HERC1: variants seen among roughly 807,000 people sequenced by gnomAD.
The protein encoded by HERC1 is HECT and RLD domain containing E3 ubiquitin protein ligase family member 1.
A neutral mutation model predicts 554.3 loss-of-function variants in HERC1; 160 were observed. The observed-to-expected ratio is 0.29, with a 90% CI of 0.25 to 0.33. HERC1 has a LOEUF of 0.33. Among genes scored for constraint, HERC1 ranks in the 10% least tolerant of loss-of-function variants. The probability of loss-of-function intolerance (pLI) is 1.00; values close to 1 mark genes in which losing one functional copy is unlikely to be tolerated. For missense variants in HERC1, 4,919 were observed against 5,918.5 expected, an observed-to-expected ratio of 0.83 and a Z score of 5.54; for synonymous variants, 2,175 against 2,131.7, an observed-to-expected ratio of 1.02 and a Z score of -0.56.
At position 63,734,721 on chromosome 15, in the gene HERC1, T is replaced by C. The variant is rs982666300; in HGVS notation, c.2646+3A>G. The C allele has an allele frequency of 1.9e-6, 3 of 1,547,084 alleles. No individual in the cohort carries two copies. The African/African-American group carries it at 4.2e-5, about 22-fold the overall frequency. On this transcript the variant is annotated splice_donor_region_variant and intron_variant, in intron 13 of 77. Coordinates refer to ENST00000443617, the MANE Select transcript of HERC1 (RefSeq NM_003922.4). This position sits in a 1 kb window ranked among gnomAD's most constrained non-coding sequence, Gnocchi z 4.6. ...TTTACTTACACAGCAAGCAAAGGCC[T>C]ACCTGTCCTTTAGATAAGCTTTCCC...
Position 63,608,914 on chromosome 15 carries a change from A to G in HERC1, c.*167T>C, listed in dbSNP as rs1131647. ...TTTTGTACAATCACAGAAAAATAAAAACATCTAATTTCTTTGTTACATTTA... is the reference window on the plus strand; with the variant it reads ...TTTTGTACAATCACAGAAAAATAAAGACATCTAATTTCTTTGTTACATTTA... On this transcript the variant is annotated 3_prime_UTR_variant, in exon 78 of 78. Transcript: ENST00000443617. 0.17 allele frequency: 88,368 copies of G among 522,252 alleles called. 8,708 individuals are homozygous for G. The highest frequency in any genetic ancestry group is 0.19 in the Non-Finnish European group (61,644 of 327,414). 32.4% of individuals were successfully genotyped at this position (522,252 alleles called of 1,614,324 possible).
At chr15:63,750,757 C>T (rs2141836519) in intron 8 of HERC1, among the ~76,000 whole-genome samples, 1 of 152,164 alleles carries the variant, frequency 6.6e-6, no homozygotes, top group South Asian at 2.1e-4. Flanking sequence ...TGTGGCAAGA[C>T]CCGATCTCCA....
intron 1 of HERC1, among the ~76,000 whole-genome samples, chr15:63,823,843 A>C (rs1325674570): frequency 6.6e-6 from 1 of 152,228 alleles, no homozygotes; most frequent in Non-Finnish European, 1.5e-5. Flanking sequence ...TGCATAGCAA[A>C]AGAACAATTA....
At chr15:63,831,347 T>A (rs1480111364) in intron 1 of HERC1, among the ~76,000 whole-genome samples, 1 of 152,132 alleles carries the variant, frequency 6.6e-6, no homozygotes, top group Non-Finnish European at 1.5e-5. Context: ...GCTCAAGCCA[T>A]CCTCCCACCT....
At position 63,674,516 on chromosome 15, in the gene HERC1, C is replaced by G; in HGVS notation, c.7672G>C (p.Glu2558Gln). ...AAGAACTGCAGGGCTGCTCGCATCTCCACGTCTTCATGAACAACTGGAGAA... is the reference window on the plus strand; with the variant it reads ...AAGAACTGCAGGGCTGCTCGCATCTGCACGTCTTCATGAACAACTGGAGAA... ...ASSPVVHEDV[E>Q]MRAALQFLMR... Residue 2558 changes from glutamate (E) to glutamine (Q), a missense_variant, in exon 38 of 78, where the codon GAG becomes CAG. Coordinates refer to ENST00000443617, the MANE Select transcript of HERC1 (RefSeq NM_003922.4). 1 of 1,613,636 alleles carries G rather than the reference C, an allele frequency of 6.2e-7. No individual in the cohort carries two copies. Among genetic ancestry groups the G allele is most frequent in the Non-Finnish European group, 8.5e-7 (1 of 1,179,704 alleles).
chr15:63,669,622 G>C lies in HERC1; in HGVS notation c.8122C>G (p.Pro2708Ala), dbSNP rs377471286. The C allele has an allele frequency of 8.7e-6, 14 of 1,613,754 alleles. No homozygotes were observed. The highest frequency in any genetic ancestry group is 2.7e-5 in the African/African-American group (2 of 74,934). The stretch of plus-strand genomic sequence containing the variant: ...CCTACTTCATCAGAAGGAGAGGTTG[G>C]TAACGAAGATATTGGAGGAGTCTGT... ...RAQTPPISSLPTSPSDEVGRR... is the reference protein window; with the variant it reads ...RAQTPPISSLATSPSDEVGRR... Residue 2708 changes from proline to alanine, a missense_variant, in exon 40 of 78, where the codon CCA becomes GCA. Transcript: ENST00000443617.
chr15:63,644,499 GTTTT>G (rs552291680), intron 57 of HERC1, among the ~76,000 whole-genome samples: 1 of 147,910 alleles, frequency 6.8e-6, no homozygotes, highest in African/African-American at 2.5e-5. Flanking sequence ...AAGCTTCTTT[GTTTT>G]TTTTTTCTGT....
At position 63,723,203 on chromosome 15, in the gene HERC1, G is replaced by A. The variant is rs1328419830; in HGVS notation, c.3721C>T (p.Gln1241Ter). 1 of 1,571,528 alleles carries A rather than the reference G, an allele frequency of 6.4e-7. No individual in the cohort carries two copies. The highest frequency in any genetic ancestry group is 8.6e-7 in the Non-Finnish European group (1 of 1,158,432). ...EPARSLWISM[Q>*]DYAVSKDWDS... The stretch of plus-strand genomic sequence containing the variant: ...TTACCTTTACTAACAGCATAGTCCT[G>A]CATGCTGATCCAAAGGCTTCGGGCA... Residue 1241 changes from glutamine to a stop codon, truncating the protein, a stop_gained, in exon 19 of 78, where the codon CAG (glutamine) becomes TAG (stop). Transcript: ENST00000443617. LOFTEE classifies it high-confidence loss of function.
chr15:63,688,007 T>C (rs927493426), intron 33 of HERC1, among the ~76,000 whole-genome samples: 8 of 152,274 alleles, frequency 5.3e-5, no homozygotes, highest in African/African-American at 1.9e-4. Flanking sequence ...CGAGAAACCA[T>C]TGGAGTATTT....
intron 3 of HERC1, among the ~76,000 whole-genome samples, chr15:63,762,292 T>C (rs1325207414): frequency 6.6e-6 from 1 of 152,158 alleles, no homozygotes; most frequent in Non-Finnish European, 1.5e-5. Flanking sequence ...GAAACTCAAA[T>C]AGGCTTAAAT....
Position 63,616,526 on chromosome 15 carries a change from T to G in HERC1, c.13845A>C (p.Leu4615=), listed in dbSNP as rs2067826299. ...WKQLCCVPLT[L]EDLEEVDLLY... is the part of the protein sequence containing the mutation. The stretch of plus-strand genomic sequence containing the variant: ...GCAGATCCACCTCCTCCAGGTCCTC[T>G]AGGGTGAGTGGGACACAGCACAGCT... Residue 4615 remains leucine (L), a synonymous_variant, in exon 75 of 78, where the codon CTA becomes CTC. Transcript: ENST00000443617. 6.2e-7 allele frequency: 1 copy of G among 1,614,000 alleles called. No individual in the cohort carries two copies. The highest frequency in any genetic ancestry group is 8.5e-7 in the Non-Finnish European group (1 of 1,179,888).
At chr15:63,819,739 G>C (rs1037312216) in intron 1 of HERC1, among the ~76,000 whole-genome samples, 1 of 152,106 alleles carries the variant, frequency 6.6e-6, no homozygotes, top group African/African-American at 2.4e-5. Context: ...TACTTGGATG[G>C]GGTTTTCTAT....
chr15:63,772,122 CAA>C (rs34321094), intron 2 of HERC1, among the ~76,000 whole-genome samples: 3 of 129,582 alleles, frequency 2.3e-5, no homozygotes, highest in Admixed American at 7.8e-5. Flanking sequence ...AACTCCATCT[CAA>C]AAAAAAAAAG....
intron 68 of HERC1, among the ~76,000 whole-genome samples, chr15:63,631,299 C>T (rs2068545532): frequency 6.6e-6 from 1 of 152,218 alleles, no homozygotes; most frequent in African/African-American, 2.4e-5. Flanking sequence ...GCTTGCCCAC[C>T]TTCTGCAGCC....
chr15:63,635,991 G>A lies in HERC1; in HGVS notation c.12384C>T (p.Ile4128=), dbSNP rs2228509. The stretch of plus-strand genomic sequence containing the variant: ...CCACTTCTTCTCCTTGTAAGGCCTC[G>A]ATCTGCCTGGGCCGCCGCTGCCTGT... ...NSDRQRRPRQ[I]EALQGEEVVQ... The change falls in exon 65 of 78, where the codon ATC becomes ATT. Residue 4128 remains isoleucine, a synonymous_variant. Transcript: ENST00000443617. 22 of 1,613,720 alleles carry A rather than the reference G, an allele frequency of 1.4e-5. No homozygotes were observed. The highest frequency in any genetic ancestry group is 1.7e-4 in the Middle Eastern group (1 of 6,060).
chr15:63,772,203 C>T (rs1356137431), intron 2 of HERC1, among the ~76,000 whole-genome samples: 2 of 152,002 alleles, frequency 1.3e-5, no homozygotes, highest in East Asian at 1.9e-4. Context: ...GACAATGAGG[C>T]TAAATGGACA....
Position 63,696,223 on chromosome 15 carries a change from G to A in HERC1, c.5022C>T (p.Leu1674=). Residue 1674 remains leucine (L), a synonymous_variant, in exon 27 of 78, where the codon CTC becomes CTT. Coordinates refer to ENST00000443617, the MANE Select transcript of HERC1 (RefSeq NM_003922.4). ...LSSGFQSSTL[L]TSVRLQFLAG... ...CTAGGAACTGCAGCCTCACAGACGT[G>A]AGTAGTGTGGAGGACTGGAAGCCTG... 1 of 1,613,440 alleles carries A rather than the reference G, an allele frequency of 6.2e-7. No homozygotes were observed. The highest frequency in any genetic ancestry group is 1.1e-5 in the South Asian group (1 of 90,918).
chr15:63,696,088 A>C (rs775045515), intron 27 of HERC1, 36 bp downstream of exon 27: 2 of 1,429,404 alleles, frequency 1.4e-6, no homozygotes, highest in Non-Finnish European at 2.0e-6. Context: ...GTAAAATGAC[A>C]GTTAAAATCT....
chr15:63,783,076 C>A (rs987852498), intron 1 of HERC1, among the ~76,000 whole-genome samples: 2 of 152,146 alleles, frequency 1.3e-5, no homozygotes, highest in African/African-American at 4.8e-5. Flanking sequence ...GAAATGACAA[C>A]AAAGGATTAG....
Sources: gnomAD v4.1 joint callset for allele counts (sites outside exome capture counted in the v4.1 genomes callset) on GRCh38, gnomAD v4.1.1 for gene constraint, Gnocchi (gnomAD v3.1) non-coding constraint, MANE v1.5 for transcripts, NCBI Gene and HGNC (gene_info 2026-07-23, HGNC 2026-07-21) for gene names.